MCCC2: variants seen among roughly 807,000 people sequenced by gnomAD.
The protein encoded by MCCC2 is methylcrotonoyl-CoA carboxylase beta chain, mitochondrial.
A neutral mutation model predicts 77.2 loss-of-function variants in MCCC2; 52 were observed. The ratio of observed to expected loss-of-function variants is 0.67; its 90% CI spans 0.54 to 0.85. The LOEUF (loss-of-function observed/expected upper bound fraction) is 0.85. Among genes scored for constraint, MCCC2 ranks in the 40% least tolerant of loss-of-function variants. The pLI, the probability that MCCC2 is intolerant of heterozygous loss-of-function variation, is 0.00. For synonymous variants in MCCC2, 253 were observed against 248.4 expected, an observed-to-expected ratio of 1.02 and a Z score of -0.18; for missense variants, 682 against 703.2, an observed-to-expected ratio of 0.97 and a Z score of 0.34.
At chr5:71,635,082 A>G in intron 9 of MCCC2, 40 bp downstream of exon 9, 4 of 1,613,024 alleles carry the variant, frequency 2.5e-6, no homozygotes, top group Non-Finnish European at 3.4e-6. Context: ...TTTTCCTGAA[A>G]TGCATTTTGA....
Position 71,587,698 on chromosome 5 carries a change from TA to T in MCCC2, c.129+146del, listed in dbSNP as rs1744819162. 15 of 1,129,808 alleles carry T rather than the reference TA, an allele frequency of 1.3e-5. No homozygotes were observed. In the South Asian group the frequency reaches 2.1e-4, roughly 15 times the overall value. The allele number at this position is 1,129,808 out of a possible 1,614,324, so 70.0% of individuals were successfully genotyped here. The stretch of plus-strand genomic sequence containing the variant: ...ACGTGAAGTTTGAAGAAGAAAAGCC[TA>T]ACAGATACAAGAAAGTTTAGTTCAC... On this transcript the variant is annotated intron_variant, in intron 1 of 16. Transcript: ENST00000340941.
At chr5:71,621,011 T>C (rs1746332220) in intron 6 of MCCC2, among the ~76,000 whole-genome samples, 1 of 152,218 alleles carries the variant, frequency 6.6e-6, no homozygotes, top group Non-Finnish European at 1.5e-5. Context: ...GTACAATGCC[T>C]ATGTTGTGCC....
intron 1 of MCCC2, among the ~76,000 whole-genome samples, chr5:71,590,570 G>A (rs569629944): frequency 3.3e-5 from 5 of 151,864 alleles, no homozygotes; most frequent in East Asian, 3.9e-4. Flanking sequence ...TAATCCTAGC[G>A]CTTTGGGAGG....
intron 7 of MCCC2, among the ~76,000 whole-genome samples, chr5:71,628,769 A>G (rs1746616605): frequency 1.3e-5 from 2 of 152,246 alleles, no homozygotes; most frequent in South Asian, 4.1e-4. Flanking sequence ...CAAGATTCCT[A>G]CAGTGTATTA....
chr5:71,631,169 A>G (rs907307092), intron 7 of MCCC2, among the ~76,000 whole-genome samples: 20 of 152,326 alleles, frequency 1.3e-4, no homozygotes, highest in African/African-American at 3.8e-4. Flanking sequence ...TGAGTATTCA[A>G]AGATGAATAA....
intron 7 of MCCC2, among the ~76,000 whole-genome samples, chr5:71,631,587 C>CCGGACTG (rs1746715469): frequency 2.0e-5 from 3 of 147,356 alleles, no homozygotes; most frequent in Non-Finnish European, 4.4e-5. Flanking sequence ...GTCGCCCAGG[C>CCGGACTG]CGGACTGCAG....
At position 71,587,405 on chromosome 5, in the gene MCCC2, T is replaced by C. The variant is rs1182120183; in HGVS notation, c.-21T>C. 2 of 1,532,798 alleles carry C rather than the reference T, an allele frequency of 1.3e-6. No homozygotes were observed. The highest frequency in any genetic ancestry group is 1.7e-6 in the Non-Finnish European group (2 of 1,145,654). 94.9% of individuals were successfully genotyped at this position (1,532,798 alleles called of 1,614,324 possible). Reference sequence around the variant, plus strand: ...GGCTCCAGGCCAGCGTGGGCCGCTCTCTCGCTCGGTGCCCGCCGCCATGTG... The same window carrying C: ...GGCTCCAGGCCAGCGTGGGCCGCTCCCTCGCTCGGTGCCCGCCGCCATGTG... On this transcript the variant is annotated 5_prime_UTR_variant, in exon 1 of 17. Transcript: ENST00000340941.
chr5:71,593,746 A>G (rs935589158), intron 2 of MCCC2, among the ~76,000 whole-genome samples: 2 of 152,130 alleles, frequency 1.3e-5, no homozygotes, highest in African/African-American at 4.8e-5. Context: ...TCAGATGGAA[A>G]GCATTCTTCA....
At chr5:71,639,728 A>G (rs540612186) in intron 10 of MCCC2, among the ~76,000 whole-genome samples, 3 of 152,368 alleles carry the variant, frequency 2.0e-5, no homozygotes, top group African/African-American at 7.2e-5. Context: ...GAGCAGCCGT[A>G]TCTCTGTGTG....
At position 71,611,544 on chromosome 5, in the gene MCCC2, A is replaced by G. The variant is rs541128853; in HGVS notation, c.624+7076A>G. On this transcript the variant is annotated intron_variant, in intron 6 of 16. Transcript: ENST00000340941. Reference sequence around the variant, plus strand: ...GAATGAACTAAAATTGCATCTGTCAATATAAGTCTCAAAAAGTAGATTGAG... The same window carrying G: ...GAATGAACTAAAATTGCATCTGTCAGTATAAGTCTCAAAAAGTAGATTGAG... Among the ~76,000 whole-genome samples the G allele has an allele frequency of 9.2e-5, 14 of 152,354 alleles. No homozygotes were observed. The South Asian group carries it at 2.9e-3, about 32-fold the overall frequency.
intron 3 of MCCC2, among the ~76,000 whole-genome samples, chr5:71,598,678 A>C (rs1333259721): frequency 6.9e-6 from 1 of 145,432 alleles, no homozygotes; most frequent in African/African-American, 2.6e-5. Context: ...CTGGTCTCAA[A>C]CTCCTGACCT....
intron 5 of MCCC2, 34 bp from the exon 6 acceptor site, chr5:71,604,322 A>C: frequency 2.5e-4 from 387 of 1,538,176 alleles, no homozygotes; most frequent in Non-Finnish European, 3.2e-4. Context: ...TTTAGTTCAT[A>C]GAGATGCTTA....
At chr5:71,599,373 A>AAAC (rs916002833) in intron 3 of MCCC2, among the ~76,000 whole-genome samples, 1 of 151,942 alleles carries the variant, frequency 6.6e-6, no homozygotes, top group Non-Finnish European at 1.5e-5. Flanking sequence ...CCATCTCAAA[A>AAAC]AACAACAACA....
At chr5:71,637,450 A>C (rs1334985590) in intron 10 of MCCC2, among the ~76,000 whole-genome samples, 1 of 152,264 alleles carries the variant, frequency 6.6e-6, no homozygotes, top group African/African-American at 2.4e-5. Context: ...GCCTTTAAAA[A>C]GTACATACAT....
At chr5:71,622,449 T>C (rs6888286) in intron 6 of MCCC2, among the ~76,000 whole-genome samples, 2,239 of 152,310 alleles carry the variant, frequency 0.015, 55 homozygotes, top group African/African-American at 0.052. Flanking sequence ...CGTTGAGATA[T>C]AATTCAAATA....
At chr5:71,633,506 A>T (rs556834214) in intron 8 of MCCC2, among the ~76,000 whole-genome samples, 1 of 151,888 alleles carries the variant, frequency 6.6e-6, no homozygotes, top group African/African-American at 2.4e-5. Context: ...ACTGTTATTC[A>T]TAATAACCTG....
chr5:71,656,598 T>C, intron 16 of MCCC2, 145 bp from the exon 17 acceptor site: 1 of 752,624 alleles, frequency 1.3e-6, no homozygotes, highest in South Asian at 1.4e-5. Flanking sequence ...ACGTAGTTTC[T>C]GTTGTGAGAT....
chr5:71,648,957 T>C (rs930434993), intron 13 of MCCC2, 140 bp from the exon 14 acceptor site: 1 of 980,690 alleles, frequency 1.0e-6, no homozygotes, highest in Admixed American at 1.9e-5. Context: ...TTTAACGGTA[T>C]GTTTCACATA....
At chr5:71,647,285 GAAATAGTACTGGTGCT>G (rs1747296832) in intron 13 of MCCC2, among the ~76,000 whole-genome samples, 1 of 152,210 alleles carries the variant, frequency 6.6e-6, no homozygotes, top group Non-Finnish European at 1.5e-5. Flanking sequence ...AACAGGGCTT[GAAATAGTACTGGTGCT>G]AAAGCATCTT....
Sources: gnomAD v4.1 joint callset for allele counts (sites outside exome capture counted in the v4.1 genomes callset) on GRCh38, gnomAD v4.1.1 for gene constraint, MANE v1.5 for transcripts, NCBI Gene and HGNC (gene_info 2026-07-23, HGNC 2026-07-21) for gene names.